The following ETS1 variants were observed in gnomAD, a reference collection of about 807,000 sequenced individuals.
ETS1 encodes the protein ETS proto-oncogene 1, transcription factor.
Under a neutral mutation model 58.6 loss-of-function variants are expected in ETS1, and 15 were observed. The observed-to-expected ratio is 0.26, with a 90% CI of 0.17 to 0.39. ETS1 has a LOEUF of 0.39. Ranked by LOEUF, ETS1 falls within the 10% of genes least tolerant of loss-of-function variation. The probability of loss-of-function intolerance (pLI) is 1.00; values close to 1 mark genes in which losing one functional copy is unlikely to be tolerated. For missense variants in ETS1, 417 were observed against 610.5 expected (o/e 0.68, Z 3.34); for synonymous variants, 214 against 218.2 (o/e 0.98, Z 0.17).
intron 8 of ETS1, among the ~76,000 whole-genome samples, chr11:128,467,718 G>C (rs746504411): frequency 2.6e-5 from 4 of 152,248 alleles, no homozygotes; most frequent in Non-Finnish European, 4.4e-5. Flanking sequence ...GGATCTCCAA[G>C]GCAGTCAACA....
intron 3 of ETS1, among the ~76,000 whole-genome samples, chr11:128,528,306 G>A (rs1377050010): frequency 1.3e-5 from 2 of 152,188 alleles, no homozygotes; most frequent in Non-Finnish European, 2.9e-5. Context: ...AAGGATCCAG[G>A]ATAGAATGGA....
At chr11:128,579,917 T>C (rs1246896154) in intron 1 of ETS1, among the ~76,000 whole-genome samples, 2 of 152,164 alleles carry the variant, frequency 1.3e-5, no homozygotes, top group African/African-American at 2.4e-5. Flanking sequence ...ATGGACCTCC[T>C]TGATGCCCCT....
intron 8 of ETS1, among the ~76,000 whole-genome samples, chr11:128,466,931 C>A (rs550159044): frequency 6.6e-6 from 1 of 152,130 alleles, no homozygotes; most frequent in Admixed American, 6.5e-5. Context: ...CTCCCTCCCC[C>A]GATTCCTGTA....
intron 3 of ETS1, among the ~76,000 whole-genome samples, chr11:128,537,993 C>T (rs1258124743): frequency 1.3e-5 from 2 of 152,124 alleles, no homozygotes; most frequent in Non-Finnish European, 2.9e-5. Context: ...CTTGGATTCA[C>T]AGTATTTATT....
intron 7 of ETS1, among the ~76,000 whole-genome samples, chr11:128,482,352 T>C (rs1004341771): frequency 2.6e-5 from 4 of 152,218 alleles, no homozygotes; most frequent in African/African-American, 4.8e-5. Flanking sequence ...GAGACAAACA[T>C]ACCAAAAGCC....
chr11:128,517,810 T>C (rs1487946309), intron 3 of ETS1, among the ~76,000 whole-genome samples: 1 of 152,000 alleles, frequency 6.6e-6, no homozygotes, highest in African/African-American at 2.4e-5. Flanking sequence ...AGCTGGTTTG[T>C]CTCCTGGAGG....
intron 3 of ETS1, among the ~76,000 whole-genome samples, chr11:128,548,672 A>G (rs1019986652): frequency 2.0e-5 from 3 of 152,228 alleles, no homozygotes; most frequent in African/African-American, 7.2e-5. Context: ...CACAGGCCGA[A>G]GGGCGAGGTT....
Position 128,484,960 on chromosome 11 carries a change from G to A in ETS1, c.725C>T (p.Ser242Phe). ...LHPISSEELL[S>F]LKYENDYPSV... Reference sequence around the variant, plus strand: ...GGGGTAGTCATTCTCATACTTGAGGGAGAGGAGCTCTTCCGAGCTGATGGG... The same window carrying A: ...GGGGTAGTCATTCTCATACTTGAGGAAGAGGAGCTCTTCCGAGCTGATGGG... The change falls in exon 7 of 10, where the codon TCC becomes TTC. Residue 242 changes from serine (S) to phenylalanine (F), a missense_variant. By Grantham distance (155) the Ser-to-Phe change is radical (BLOSUM62 -2). Around this residue, in one of 4 missense-constraint regions of ETS1, gnomAD observed 132 missense variants for 212.1 expected, o/e 0.62. Coordinates refer to ENST00000392668, the MANE Select transcript of ETS1 (RefSeq NM_001143820.2). The A allele has an allele frequency of 6.2e-7, 1 of 1,614,098 alleles. No homozygotes were observed. The highest frequency in any genetic ancestry group is 1.3e-5 in the African/African-American group (1 of 75,020).
At chr11:128,493,775 G>C (rs1309340179) in intron 3 of ETS1, among the ~76,000 whole-genome samples, 1 of 152,212 alleles carries the variant, frequency 6.6e-6, no homozygotes, top group Non-Finnish European at 1.5e-5. Context: ...TTTTTCGGTT[G>C]TGTGAGCATT....
At chr11:128,524,063 G>A (rs964278994) in intron 3 of ETS1, among the ~76,000 whole-genome samples, 1 of 152,148 alleles carries the variant, frequency 6.6e-6, no homozygotes, top group Non-Finnish European at 1.5e-5. Context: ...TAATCCAAGT[G>A]TGAGTACTTC....
chr11:128,514,029 C>G (rs7117768), intron 3 of ETS1, among the ~76,000 whole-genome samples: 27,281 of 152,084 alleles, frequency 0.18, 2,787 homozygotes, highest in South Asian at 0.24. Context: ...AGGTATAACA[C>G]CTGGCACATA....
In ETS1 at chr11:128,533,608, T is replaced by C. The variant is rs77513967; in HGVS notation, c.214+22683A>G. On this transcript the variant is annotated intron_variant, in intron 3 of 9. Coordinates refer to ENST00000392668, the MANE Select transcript of ETS1 (RefSeq NM_001143820.2). ...CTTTTATGCATTTTTACAGGCTTTT[T>C]TCCCTTCTGGAAAGCCCTGTTCTAC... Among the ~76,000 whole-genome samples, 863 of 152,302 alleles carry C rather than the reference T, an allele frequency of 5.7e-3. 4 individuals carry two copies. The highest frequency in any genetic ancestry group is 0.02 in the African/African-American group (822 of 41,564).
intron 3 of ETS1, chr11:128,522,540 G>C (rs529479227): frequency 9.7e-6 from 2 of 206,072 alleles, no homozygotes; most frequent in Admixed American, 1.3e-4. Context: ...TGGCGAGCGC[G>C]GGGCCGGGCC....
At chr11:128,586,211 A>C (rs1172612861) in intron 1 of ETS1, among the ~76,000 whole-genome samples, 2 of 152,224 alleles carry the variant, frequency 1.3e-5, no homozygotes, top group African/African-American at 4.8e-5. Context: ...GTTGATTTAC[A>C]ATTAGAAGCA....
intron 2 of ETS1, among the ~76,000 whole-genome samples, chr11:128,571,214 G>A (rs1020714213): frequency 6.6e-6 from 1 of 151,052 alleles, no homozygotes; most frequent in African/African-American, 2.5e-5. Flanking sequence ...GGATCACGAG[G>A]TCAGGAGATC....
intron 2 of ETS1, among the ~76,000 whole-genome samples, chr11:128,563,840 T>C (rs1440143634): frequency 6.6e-6 from 1 of 152,196 alleles, no homozygotes; most frequent in East Asian, 1.9e-4. Flanking sequence ...TGAACAGTTA[T>C]AGGGGCTCTC....
At chr11:128,586,883 C>G (rs1865042466) in intron 1 of ETS1, among the ~76,000 whole-genome samples, 1 of 152,190 alleles carries the variant, frequency 6.6e-6, no homozygotes, top group Admixed American at 6.5e-5. Flanking sequence ...CTCCCTAACT[C>G]TGAGACAACC....
chr11:128,520,233 T>C (rs1479472503), intron 3 of ETS1, among the ~76,000 whole-genome samples: 1 of 152,234 alleles, frequency 6.6e-6, no homozygotes. Context: ...CTCTAATATT[T>C]AATATTAAAT....
intron 8 of ETS1, among the ~76,000 whole-genome samples, chr11:128,468,041 T>C (rs1313155469): frequency 3.3e-5 from 5 of 152,138 alleles, no homozygotes; most frequent in African/African-American, 1.2e-4. Context: ...CAGTTCTTAC[T>C]ACACACTGAC....
Sources: allele counts gnomAD v4.1 joint callset (sites outside exome capture counted in the v4.1 genomes callset), GRCh38; gene constraint gnomAD v4.1.1; regional missense constraint gnomAD v4.1.1; transcripts MANE v1.5; gene names NCBI Gene and HGNC (gene_info 2026-07-23, HGNC 2026-07-21).